Variants in DNAH12 observed in about 807,000 individuals in gnomAD.
DNAH12 encodes the protein axonemal beta dynein heavy chain 12.
In DNAH12, 285 loss-of-function variants were observed where a neutral mutation model predicts 371.5. That is an observed-to-expected ratio of 0.77 (90% CI 0.70 to 0.85). The LOEUF (loss-of-function observed/expected upper bound fraction) is 0.85. DNAH12 is among the 40% of genes least tolerant of loss of function. DNAH12 has a pLI of 0.00. For synonymous variants in DNAH12, 1,200 were observed against 1,213.0 expected, an observed-to-expected ratio of 0.99 and a Z score of 0.22; for missense variants, 3,611 against 3,689.4, an observed-to-expected ratio of 0.98 and a Z score of 0.55.
Position 57,542,758 on chromosome 3 carries a change from C to A in DNAH12, c.113G>T (p.Ser38Ile). 6.2e-7 allele frequency: 1 copy of A among 1,612,098 alleles called. No homozygotes were observed. Among genetic ancestry groups the A allele is most frequent in the Non-Finnish European group, 8.5e-7 (1 of 1,179,208 alleles). The change falls in exon 2 of 74, where the codon AGT (serine) becomes ATT (isoleucine). Residue 38 changes from serine to isoleucine, a missense_variant. Ser to Ile is a moderately radical substitution (Grantham distance 142). Transcript: ENST00000495027. ...ENIGVDTPTQ[S>I]KLLKYRRSKE... The stretch of plus-strand genomic sequence containing the variant: ...GGATCTTCTGTATTTTAGCAGCTTA[C>A]TTTGTGTTGGTGTATCAACGCCTAT...
intron 30 of DNAH12, among the ~76,000 whole-genome samples, chr3:57,436,259 C>CAT (rs1032515258): frequency 4.0e-5 from 6 of 151,864 alleles, no homozygotes; most frequent in African/African-American, 1.5e-4. Flanking sequence ...ACAAAATGTC[C>CAT]ATAGCCACTT....
chr3:57,409,294 A>C (rs2064132969), intron 39 of DNAH12, among the ~76,000 whole-genome samples: 1 of 152,176 alleles, frequency 6.6e-6, no homozygotes, highest in Non-Finnish European at 1.5e-5. Flanking sequence ...GTAGGAGTCT[A>C]TCTAGCCAGT....
At chr3:57,318,197 C>T (rs1340270078) in intron 65 of DNAH12, among the ~76,000 whole-genome samples, 1 of 151,834 alleles carries the variant, frequency 6.6e-6, no homozygotes, top group Non-Finnish European at 1.5e-5. Flanking sequence ...TTTTTGTTGC[C>T]TGTGTTTTGG....
At chr3:57,383,473 A>G (rs2063437499) in intron 49 of DNAH12, among the ~76,000 whole-genome samples, 1 of 139,382 alleles carries the variant, frequency 7.2e-6, no homozygotes, top group African/African-American at 2.8e-5. Context: ...ATTAATGCTC[A>G]TGGTCACCTA....
intron 4 of DNAH12, among the ~76,000 whole-genome samples, chr3:57,518,296 A>G (rs547948933): frequency 1.5e-4 from 23 of 152,282 alleles, no homozygotes; most frequent in African/African-American, 5.3e-4. Flanking sequence ...AAGCTGAAGC[A>G]GGTGGATCAC....
chr3:57,530,452 A>G (rs1343101584), intron 2 of DNAH12: 8 of 703,556 alleles, frequency 1.1e-5, no homozygotes, highest in Non-Finnish European at 1.8e-5. Flanking sequence ...GATGTGATAC[A>G]TGCCAGATGC....
intron 61 of DNAH12, 76 bp from the exon 62 acceptor site, chr3:57,334,685 A>G: frequency 1.3e-6 from 2 of 1,508,242 alleles, no homozygotes; most frequent in Non-Finnish European, 1.8e-6. Flanking sequence ...AGGAGTAGAA[A>G]CCAGACAGCT....
At chr3:57,551,067 C>A in the DNAH12 span, among the ~76,000 whole-genome samples, 1 of 151,006 alleles carries the variant, frequency 6.6e-6, no homozygotes, top group Admixed American at 6.6e-5. Flanking sequence ...GGGGTTTCAC[C>A]GTGTTAGCCA....
intron 27 of DNAH12, among the ~76,000 whole-genome samples, chr3:57,445,736 C>A (rs1021876227): frequency 6.6e-6 from 1 of 151,938 alleles, no homozygotes; most frequent in Non-Finnish European, 1.5e-5. Flanking sequence ...TGCCTGTAAT[C>A]CCAGCACTTT....
At chr3:57,436,858 A>G in intron 30 of DNAH12, 93 bp downstream of exon 30, 6 of 900,262 alleles carry the variant, frequency 6.7e-6, no homozygotes, top group Non-Finnish European at 9.6e-6. Flanking sequence ...CAACTCACCT[A>G]ATCAGTTTGC....
At chr3:57,488,025 A>G (rs1006392023) in intron 12 of DNAH12, among the ~76,000 whole-genome samples, 2 of 152,140 alleles carry the variant, frequency 1.3e-5, no homozygotes, top group Non-Finnish European at 2.9e-5. Context: ...TTTATACAGA[A>G]TATGCCTGAT....
chr3:57,496,694 C>G (rs377098421), intron 11 of DNAH12, among the ~76,000 whole-genome samples: 56 of 152,272 alleles, frequency 3.7e-4, no homozygotes, highest in African/African-American at 1.3e-3. Flanking sequence ...TATGGCCAGG[C>G]GCAGTGGCTC....
chr3:57,377,879 C>T (rs1013733488), intron 52 of DNAH12, among the ~76,000 whole-genome samples: 33 of 152,120 alleles, frequency 2.2e-4, no homozygotes, highest in Admixed American at 3.9e-4. Context: ...GCCCTTGGTA[C>T]AAAGAATGGA....
At chr3:57,499,821 G>A (rs1287482686) in intron 11 of DNAH12, among the ~76,000 whole-genome samples, 1 of 147,514 alleles carries the variant, frequency 6.8e-6, no homozygotes, top group African/African-American at 2.5e-5. Context: ...CTGGGCAAGA[G>A]AGTGAGACCC....
At chr3:57,520,553 C>T (rs2068387699) in intron 4 of DNAH12, among the ~76,000 whole-genome samples, 1 of 151,612 alleles carries the variant, frequency 6.6e-6, no homozygotes, top group Non-Finnish European at 1.5e-5. Flanking sequence ...CGCCATTCTC[C>T]TGCCTCAGCC....
chr3:57,425,571 A>T (rs17058121), intron 34 of DNAH12, among the ~76,000 whole-genome samples: 3,395 of 152,288 alleles, frequency 0.022, 99 homozygotes, highest in African/African-American at 0.077. Flanking sequence ...AACTAGCCTC[A>T]TAAGGTCTTT....
At chr3:57,519,348 A>G (rs2068322731) in intron 4 of DNAH12, among the ~76,000 whole-genome samples, 1 of 152,218 alleles carries the variant, frequency 6.6e-6, no homozygotes, top group Non-Finnish European at 1.5e-5. Flanking sequence ...AGCCTGTTGT[A>G]TAGAAATGGG....
intron 14 of DNAH12, among the ~76,000 whole-genome samples, chr3:57,472,166 A>C (rs2066386193): frequency 6.6e-6 from 1 of 152,204 alleles, no homozygotes; most frequent in African/African-American, 2.4e-5. Flanking sequence ...AAATTTTATC[A>C]CTGTGATATT....
chr3:57,480,916 A>G (rs1459749383), intron 13 of DNAH12, among the ~76,000 whole-genome samples: 4 of 152,226 alleles, frequency 2.6e-5, no homozygotes, highest in African/African-American at 9.6e-5. Flanking sequence ...GATGGGACGT[A>G]TCTCAAAATA....
Sources: gnomAD v4.1 joint callset for allele counts (sites outside exome capture counted in the v4.1 genomes callset) on GRCh38, gnomAD v4.1.1 for gene constraint, MANE v1.5 for transcripts, NCBI Gene and HGNC (gene_info 2026-07-23, HGNC 2026-07-21) for gene names.